Variants in DTNA observed in about 807,000 individuals in gnomAD.
DTNA encodes the protein dystrobrevin alpha.
In DTNA, 43 loss-of-function variants were observed where a neutral mutation model predicts 100.7. That is an observed-to-expected ratio of 0.43 (90% confidence interval 0.33 to 0.55). DTNA has a LOEUF of 0.55. Among genes scored for constraint, DTNA ranks in the 20% least tolerant of loss-of-function variants. The probability of loss-of-function intolerance (pLI) is 0.04; values close to 1 mark genes in which losing one functional copy is unlikely to be tolerated. For synonymous variants in DTNA, 349 were observed against 347.9 expected, an observed-to-expected ratio of 1.00 and a Z score of -0.04; for missense variants, 798 against 953.9, an observed-to-expected ratio of 0.84 and a Z score of 2.15.
chr18:34,537,227 A>T (rs979033194), intron 1 of DTNA, among the ~76,000 whole-genome samples: 1 of 152,008 alleles, frequency 6.6e-6, no homozygotes, highest in African/African-American at 2.4e-5. Context: ...TACTAAAGTT[A>T]CTGTTAACTC....
chr18:34,662,054 T>A (rs138407623), intron 1 of DTNA, among the ~76,000 whole-genome samples: 1 of 151,930 alleles, frequency 6.6e-6, no homozygotes, highest in South Asian at 2.1e-4. Context: ...TATCACTCTC[T>A]ATTTTTCTAA....
chr18:34,762,128 T>A (rs1457310062), intron 2 of DTNA, among the ~76,000 whole-genome samples: 21 of 152,194 alleles, frequency 1.4e-4, no homozygotes, highest in Admixed American at 1.3e-3. Flanking sequence ...CCCTGCTGAT[T>A]TTATTTCTTT....
At chr18:34,627,570 A>G (rs1259114708) in intron 1 of DTNA, among the ~76,000 whole-genome samples, 1 of 152,216 alleles carries the variant, frequency 6.6e-6, no homozygotes, top group African/African-American at 2.4e-5. Context: ...GGGCCATGCT[A>G]TCTGAAAAGT....
At chr18:34,530,423 A>G (rs1034559247) in intron 1 of DTNA, among the ~76,000 whole-genome samples, 2 of 151,932 alleles carry the variant, frequency 1.3e-5, no homozygotes, top group African/African-American at 4.8e-5. Flanking sequence ...TGAAATCATG[A>G]GCTTATGGTG....
At chr18:34,848,220 A>C (rs2096414415) in intron 13 of DTNA, 76 bp from the exon 14 acceptor site, 4 of 1,434,064 alleles carry the variant, frequency 2.8e-6, no homozygotes, top group Non-Finnish European at 3.9e-6. Flanking sequence ...AAATAGTAAA[A>C]ACTCCTTGTG....
chr18:34,552,196 A>G (rs534409646), intron 1 of DTNA, among the ~76,000 whole-genome samples: 1 of 152,200 alleles, frequency 6.6e-6, no homozygotes, highest in East Asian at 1.9e-4. Context: ...CTATATGAAC[A>G]GGTTCCCAAC....
At chr18:34,629,577 A>T (rs898279977) in intron 1 of DTNA, among the ~76,000 whole-genome samples, 1 of 152,180 alleles carries the variant, frequency 6.6e-6, no homozygotes. Context: ...AAAACCAGTG[A>T]ATTCAAGTCG....
In DTNA at chr18:34,889,548, C is replaced by T. The variant is rs2096952085; in HGVS notation, c.*1814C>T. 2.0e-6 allele frequency: 2 copies of T among 985,444 alleles called. No homozygotes were observed. The highest frequency in any genetic ancestry group is 1.2e-6 in the Non-Finnish European group (1 of 829,954). The allele number at this position is 985,444 out of a possible 1,614,324, so 61.0% of individuals were successfully genotyped here. Reference sequence around the variant, plus strand: ...CTTCTCTGAACCCACACACCAAGTTCGTAGTTGGTAGGTGCCCAGCCAAGT... The same window carrying T: ...CTTCTCTGAACCCACACACCAAGTTTGTAGTTGGTAGGTGCCCAGCCAAGT... On this transcript the variant is annotated 3_prime_UTR_variant, in exon 23 of 23. Coordinates refer to ENST00000444659, the MANE Select transcript of DTNA (RefSeq NM_001386795.1).
intron 1 of DTNA, among the ~76,000 whole-genome samples, chr18:34,693,236 A>G (rs1600303062): frequency 6.6e-6 from 1 of 152,250 alleles, no homozygotes; most frequent in African/African-American, 2.4e-5. Flanking sequence ...GGCACCTGGG[A>G]GCCTGAGATA....
chr18:34,856,267 T>G (rs139817368), intron 15 of DTNA, among the ~76,000 whole-genome samples: 76 of 152,302 alleles, frequency 5.0e-4, no homozygotes, highest in African/African-American at 1.8e-3. Flanking sequence ...CAAAAGCTCC[T>G]TTAGGTAATA....
chr18:34,715,798 A>G (rs2083926692), intron 1 of DTNA, among the ~76,000 whole-genome samples: 2 of 152,224 alleles, frequency 1.3e-5, no homozygotes, highest in Non-Finnish European at 2.9e-5. Flanking sequence ...AACATTTGCA[A>G]CATATATGAA....
At chr18:34,740,686 C>A (rs2090474522) in intron 1 of DTNA, among the ~76,000 whole-genome samples, 1 of 151,988 alleles carries the variant, frequency 6.6e-6, no homozygotes, top group Non-Finnish European at 1.5e-5. Context: ...GTCCCCATTA[C>A]TCGGGAGGCT....
At chr18:34,547,355 C>T (rs575123516) in intron 1 of DTNA, among the ~76,000 whole-genome samples, 46 of 152,084 alleles carry the variant, frequency 3.0e-4, no homozygotes, top group Non-Finnish European at 5.6e-4. Flanking sequence ...TCATTTCCCC[C>T]AACGTTCATC....
chr18:34,512,992 G>T (rs1038868684), intron 1 of DTNA, among the ~76,000 whole-genome samples: 3 of 152,102 alleles, frequency 2.0e-5, no homozygotes, highest in African/African-American at 4.8e-5. Flanking sequence ...AGTGAATGAA[G>T]TTTGGTTGCA....
intron 2 of DTNA, 147 bp from the exon 3 acceptor site, chr18:34,765,814 C>A (rs1008110728): frequency 1.5e-5 from 11 of 747,908 alleles, no homozygotes; most frequent in Non-Finnish European, 2.4e-5. Flanking sequence ...ATAGGACAGA[C>A]CTGTTCAAGT....
At chr18:34,793,650 G>A (rs1436053920) in intron 3 of DTNA, among the ~76,000 whole-genome samples, 1 of 152,154 alleles carries the variant, frequency 6.6e-6, no homozygotes, top group African/African-American at 2.4e-5. Context: ...GTGCAATGGG[G>A]AAATAACTTT....
chr18:34,860,171 G>A (rs564359820), intron 16 of DTNA, among the ~76,000 whole-genome samples: 150 of 150,928 alleles, frequency 9.9e-4, no homozygotes, highest in African/African-American at 3.2e-3. Context: ...CTCAGCCTCC[G>A]GAGTAGCTGG....
intron 1 of DTNA, among the ~76,000 whole-genome samples, chr18:34,705,234 A>G (rs2081964610): frequency 6.6e-6 from 1 of 152,206 alleles, no homozygotes; most frequent in South Asian, 2.1e-4. Flanking sequence ...CCTCAGTATC[A>G]ATTCTGTCTT....
intron 1 of DTNA, among the ~76,000 whole-genome samples, chr18:34,700,774 A>C (rs553650128): frequency 7.2e-4 from 109 of 152,270 alleles, no homozygotes; most frequent in Non-Finnish European, 1.3e-3. Context: ...TGACTGGTTC[A>C]TCACTTTCCC....
Sources: allele counts gnomAD v4.1 joint callset (sites outside exome capture counted in the v4.1 genomes callset), GRCh38; gene constraint gnomAD v4.1.1; transcripts MANE v1.5; gene names NCBI Gene and HGNC (gene_info 2026-07-23, HGNC 2026-07-21).